DNAAF5: variants seen among roughly 807,000 people sequenced by gnomAD.
DNAAF5 encodes dynein axonemal assembly factor 5, also known as HEAT repeat containing 2.
DNAAF5 carries 64 observed loss-of-function variants against 75.8 expected under a neutral mutation model. The ratio of observed to expected loss-of-function variants is 0.84; its 90% confidence interval spans 0.69 to 1.04. The LOEUF (loss-of-function observed/expected upper bound fraction) is 1.04, where lower values mean the gene tolerates loss of function less well. DNAAF5 is among the 50% of genes least tolerant of loss of function. The pLI is 0.00. For synonymous variants in DNAAF5, 657 were observed against 557.2 expected (o/e 1.18, Z -2.52); for missense variants, 1,269 against 1,178.5 (o/e 1.08, Z -1.12).
intron 1 of DNAAF5, among the ~76,000 whole-genome samples, chr7:727,935 C>G (rs1057234100): frequency 6.6e-6 from 1 of 151,632 alleles, no homozygotes; most frequent in African/African-American, 2.4e-5. Context: ...TAGCTGCCCC[C>G]TTTCCTTCCC....
rs773831457 is a variant in DNAAF5, at chr7:741,478, G to A, written c.1024+13G>A. On this transcript the variant is annotated intron_variant, in intron 4 of 12. Transcript: ENST00000297440. ...TACCCTCCACATGGTGAGTGACCGC[G>A]GCAGAGGGGAGCGCCAGGAGGCGAG... The A allele has an allele frequency of 3.1e-5, 40 of 1,293,942 alleles. No homozygotes were observed. The highest frequency in any genetic ancestry group is 5.0e-5 in the South Asian group (4 of 80,488). The allele number at this position is 1,293,942 out of a possible 1,614,324, so 80.2% of individuals were successfully genotyped here. A position where few individuals can be genotyped will look rare whatever the true frequency, so the allele number is the denominator to read the frequency against.
intron 12 of DNAAF5, among the ~76,000 whole-genome samples, chr7:784,819 T>C (rs1219639563): frequency 3.3e-5 from 5 of 152,184 alleles, no homozygotes; most frequent in Non-Finnish European, 7.3e-5. Context: ...AGCCCAAAAA[T>C]GCCACCTGAA....
intron 11 of DNAAF5, among the ~76,000 whole-genome samples, chr7:775,658 G>A (rs1778737847): frequency 2.6e-5 from 4 of 152,202 alleles, no homozygotes. Flanking sequence ...AAAAAGCAAA[G>A]CTTGAATTTG....
At chr7:779,035 G>C (rs552962557) in intron 11 of DNAAF5, among the ~76,000 whole-genome samples, 61 of 152,392 alleles carry the variant, frequency 4.0e-4, no homozygotes, top group African/African-American at 1.4e-3. Context: ...GAAGTGCCTG[G>C]GCATCTGCCA....
intron 4 of DNAAF5, among the ~76,000 whole-genome samples, chr7:743,056 T>C (rs1781964623): frequency 6.6e-6 from 1 of 152,138 alleles, no homozygotes. Flanking sequence ...ATGTATTCCG[T>C]CAAATACAGC....
chr7:735,483 G>A (rs914573948), intron 2 of DNAAF5, among the ~76,000 whole-genome samples: 3 of 151,008 alleles, frequency 2.0e-5, no homozygotes, highest in Non-Finnish European at 4.4e-5. Flanking sequence ...AGCTGCTCAT[G>A]GTGTCGTTGC....
chr7:771,665 C>T (rs1036329643), intron 9 of DNAAF5: 1 of 152,268 alleles, frequency 6.6e-6, no homozygotes, highest in Non-Finnish European at 1.5e-5. Flanking sequence ...AGAGCCGTGG[C>T]AGCTGTCCAG....
chr7:734,653 A>G (rs1781680137), intron 2 of DNAAF5, among the ~76,000 whole-genome samples: 1 of 152,230 alleles, frequency 6.6e-6, no homozygotes. Flanking sequence ...TAGGAGTGAC[A>G]TTAGTTCTTT....
intron 11 of DNAAF5, 90 bp from the exon 12 acceptor site, chr7:779,863 C>T: frequency 1.8e-6 from 2 of 1,124,248 alleles, no homozygotes; most frequent in Non-Finnish European, 2.6e-6. Flanking sequence ...GCAGGTGTCC[C>T]ATGGGAGTAT....
At chr7:774,938 G>C in intron 10 of DNAAF5, 68 bp from the exon 11 acceptor site, 1 of 1,433,506 alleles carries the variant, frequency 7.0e-7, no homozygotes, top group South Asian at 1.2e-5. Flanking sequence ...GGAGTGCACG[G>C]ATGGTGAGCA....
chr7:735,111 G>A (rs1036898911), intron 2 of DNAAF5, among the ~76,000 whole-genome samples: 6 of 149,514 alleles, frequency 4.0e-5, no homozygotes, highest in Admixed American at 1.3e-4. Flanking sequence ...TCTTCATGGT[G>A]TAGCTGCTCA....
At chr7:774,570 A>C (rs1418041808) in intron 10 of DNAAF5, among the ~76,000 whole-genome samples, 1 of 125,222 alleles carries the variant, frequency 8.0e-6, no homozygotes, top group Non-Finnish European at 1.8e-5. Context: ...CATCGTTTCT[A>C]TGAACACCTC....
At chr7:746,683 ACCCCCTGCC>A (rs1326859799) in intron 4 of DNAAF5, among the ~76,000 whole-genome samples, 1 of 114,518 alleles carries the variant, frequency 8.7e-6, no homozygotes, top group Non-Finnish European at 1.8e-5. Context: ...CCATCCTGCC[ACCCCCTGCC>A]CACCCTGCCC....
At position 740,033 on chromosome 7, in the gene DNAAF5, GC is replaced by G. The variant is rs138126802; in HGVS notation, c.781-782del. On this transcript the variant is annotated intron_variant, in intron 2 of 12. Transcript: ENST00000297440. ...AGGGACTGATGGCACCACGGAGTCGGCCCCTGGCCTCACAGGGGACAGCTCT... is the reference window on the plus strand; with the variant it reads ...AGGGACTGATGGCACCACGGAGTCGGCCCTGGCCTCACAGGGGACAGCTCT... Among the ~76,000 whole-genome samples the G allele has an allele frequency of 5.6e-3, 860 of 152,260 alleles. 11 individuals carry two copies. Among genetic ancestry groups the G allele is most frequent in the African/African-American group, 0.02 (830 of 41,542 alleles).
At position 782,696 on chromosome 7, in the gene DNAAF5, AC is replaced by A. The variant is rs1562404766; in HGVS notation, c.2431+2553del. ...CTTCCTGGCGTGGCCGCCTCCCGTC[AC>A]GCAGCGTCAGAAACTCGATCTTCCT... On this transcript the variant is annotated intron_variant, in intron 12 of 12. Transcript: ENST00000297440. Among the ~76,000 whole-genome samples the A allele has an allele frequency of 6.3e-4, 53 of 84,628 alleles. 8 individuals carry two copies. The highest frequency in any genetic ancestry group is 2.6e-3 in the African/African-American group (50 of 19,074). 55.5% of individuals were successfully genotyped at this position (84,628 alleles called of 152,430 possible). A position where few individuals can be genotyped will look rare whatever the true frequency, so the allele number is the denominator to read the frequency against.
At chr7:751,275 A>G (rs1782283782) in intron 4 of DNAAF5, among the ~76,000 whole-genome samples, 1 of 152,204 alleles carries the variant, frequency 6.6e-6, no homozygotes, top group Admixed American at 6.5e-5. Flanking sequence ...ATACAGGATA[A>G]AAACAGAAAA....
Position 727,242 on chromosome 7 carries a change from C to T in DNAAF5, c.522C>T (p.Ser174=), listed in dbSNP as rs1781357926. The stretch of plus-strand genomic sequence containing the variant: ...ACGCTCTGCGCGCGCTGCGCTGCTC[C>T]CTGCTCGACCCCTTCGCCGCCGTGC... ...LDDALRALRC[S]LLDPFAAVRR... Residue 174 remains serine, a synonymous_variant, in exon 1 of 13, where the codon TCC becomes TCT. Coordinates refer to ENST00000297440, the MANE Select transcript of DNAAF5 (RefSeq NM_017802.4). The T allele has an allele frequency of 7.4e-7, 1 of 1,346,080 alleles. No homozygotes were observed. The highest frequency in any genetic ancestry group is 9.5e-7 in the Non-Finnish European group (1 of 1,051,580). The allele number at this position is 1,346,080 out of a possible 1,614,324, so 83.4% of individuals were successfully genotyped here. A position where few individuals can be genotyped will look rare whatever the true frequency, so the allele number is the denominator to read the frequency against.
At position 738,730 on chromosome 7, in the gene DNAAF5, T is replaced by C. The variant is rs143260389; in HGVS notation, c.781-2089T>C. 7.9e-5 allele frequency among the ~76,000 whole-genome samples: 12 copies of C among 152,332 alleles called. No homozygotes were observed. In the East Asian group the frequency reaches 2.3e-3, roughly 29 times the overall value. ...TCTTATGATACTAAGTAGAGACTGA[T>C]AGAAAAGGTGGCAGTCCGTGAGACT... On this transcript the variant is annotated intron_variant, in intron 2 of 12. Coordinates refer to ENST00000297440, the MANE Select transcript of DNAAF5 (RefSeq NM_017802.4).
chr7:770,441 G>A (rs769246600), intron 8 of DNAAF5, 30 bp from the exon 9 acceptor site: 54 of 1,603,678 alleles, frequency 3.4e-5, no homozygotes, highest in Admixed American at 3.4e-4. Context: ...CCTGAGGGCC[G>A]TGCACAGGAG....
Sources: gnomAD v4.1 joint callset for allele counts (sites outside exome capture counted in the v4.1 genomes callset) on GRCh38, gnomAD v4.1.1 for gene constraint, MANE v1.5 for transcripts, NCBI Gene and HGNC (gene_info 2026-07-23, HGNC 2026-07-21) for gene names.